Variants in ACOT11 observed in about 807,000 individuals in gnomAD.
ACOT11 encodes acyl-CoA thioesterase 11, also known as acyl-coenzyme A thioesterase 11.
Under a neutral mutation model 77.5 loss-of-function variants are expected in ACOT11, and 69 were observed. The ratio of observed to expected loss-of-function variants is 0.89; its 90% CI spans 0.73 to 1.09. ACOT11 has a LOEUF of 1.09. ACOT11 is among the 50% of genes least tolerant of loss of function. The pLI is 0.00. For missense variants in ACOT11, 766 were observed against 813.7 expected (o/e 0.94, Z 0.71); for synonymous variants, 279 against 313.0 (o/e 0.89, Z 1.15).
At position 54,610,245 on chromosome 1, in the gene ACOT11, T is replaced by C; in HGVS notation, c.*1133T>C. On this transcript the variant is annotated 3_prime_UTR_variant, in exon 16 of 16. Coordinates refer to ENST00000343744, the MANE Select transcript of ACOT11 (RefSeq NM_147161.4). The stretch of plus-strand genomic sequence containing the variant: ...GGCCAGGAGCCCTGTGCTCTTGACA[T>C]CACTGTACTCCCTCTCCCTCCCCGC... 2.1e-6 allele frequency: 3 copies of C among 1,451,648 alleles called. No individual in the cohort carries two copies. The highest frequency in any genetic ancestry group is 2.7e-6 in the Non-Finnish European group (3 of 1,108,482). The allele number at this position is 1,451,648 out of a possible 1,614,324, so 89.9% of individuals were successfully genotyped here. A position where few individuals can be genotyped will look rare whatever the true frequency, so the allele number is the denominator to read the frequency against.
intron 16 of ACOT11, among the ~76,000 whole-genome samples, chr1:54,634,142 C>T (rs1026142372): frequency 6.6e-6 from 1 of 152,182 alleles, no homozygotes; most frequent in South Asian, 2.1e-4. Flanking sequence ...GGCACAAATA[C>T]AGCAAGCTTT....
chr1:54,618,632 A>T (rs1644198764), intron 15 of ACOT11, among the ~76,000 whole-genome samples: 1 of 152,096 alleles, frequency 6.6e-6, no homozygotes, highest in South Asian at 2.1e-4. Flanking sequence ...AGAGGAAAGG[A>T]TTTGTTTCCT....
intron 1 of ACOT11, among the ~76,000 whole-genome samples, chr1:54,562,135 A>C (rs1400317558): frequency 2.0e-5 from 1 of 49,590 alleles, no homozygotes; most frequent in Non-Finnish European, 3.4e-5. Context: ...CTGGCCGGGC[A>C]GAGGGGCTCC....
intron 6 of ACOT11, among the ~76,000 whole-genome samples, chr1:54,596,767 G>A (rs964418223): frequency 6.6e-6 from 1 of 152,154 alleles, no homozygotes; most frequent in Non-Finnish European, 1.5e-5. Context: ...TAGAGACAAA[G>A]TTTCACCATG....
At chr1:54,587,286 G>A (rs1180159685) in intron 3 of ACOT11, among the ~76,000 whole-genome samples, 1 of 152,040 alleles carries the variant, frequency 6.6e-6, no homozygotes, top group Non-Finnish European at 1.5e-5. Flanking sequence ...GGGCCTACGC[G>A]GGTGGATCAC....
rs532834434 is a variant in ACOT11, at chr1:54,609,689, T to C, written c.*577T>C. 71 of 1,614,066 alleles carry C rather than the reference T, an allele frequency of 4.4e-5. 1 individual carries two copies. The South Asian group carries it at 7.5e-4, about 17-fold the overall frequency. ...GACCGAAAAACTCCCGTGGGAGATT[T>C]TGGCCCCAACCCACACAGGCCAATG... On this transcript the variant is annotated 3_prime_UTR_variant, in exon 16 of 16. Coordinates refer to ENST00000343744, the MANE Select transcript of ACOT11 (RefSeq NM_147161.4).
At chr1:54,605,876 A>G (rs1644018744) in intron 13 of ACOT11, among the ~76,000 whole-genome samples, 1 of 152,160 alleles carries the variant, frequency 6.6e-6, no homozygotes, top group African/African-American at 2.4e-5. Context: ...AAGTCCCCTT[A>G]AAGTCATTTT....
intron 8 of ACOT11, 149 bp downstream of exon 8, chr1:54,599,564 T>A: frequency 1.0e-6 from 1 of 962,446 alleles, no homozygotes; most frequent in Non-Finnish European, 1.4e-6. Flanking sequence ...TCCTCTGAAA[T>A]TCAGCTCTGA....
intron 3 of ACOT11, among the ~76,000 whole-genome samples, chr1:54,586,890 C>T (rs1430951243): frequency 6.6e-6 from 1 of 152,198 alleles, no homozygotes; most frequent in Admixed American, 6.5e-5. Flanking sequence ...TGCAGGGCCA[C>T]ACACAGAGCT....
At chr1:54,619,914 G>GTGACC in intron 15 of ACOT11, 1 of 1,614,172 alleles carries the variant, frequency 6.2e-7, no homozygotes, top group Non-Finnish European at 8.5e-7. Flanking sequence ...GTGGTACCAG[G>GTGACC]TGACCTCCAA....
chr1:54,614,701 G>A (rs926066553), downstream of ACOT11: 21 of 1,611,856 alleles, frequency 1.3e-5, no homozygotes, highest in South Asian at 2.2e-5. Flanking sequence ...AACACTCACT[G>A]TGTGGCATTG....
chr1:54,594,618 T>A lies in ACOT11; in HGVS notation c.534T>A (p.Ala178=). The change falls in exon 6 of 16, where the codon GCT becomes GCA. Residue 178 remains alanine, a synonymous_variant. Transcript: ENST00000343744. ...EEEKMEHSVA[A]ERRRMRLVYA... ...AGAAGATGGAGCACAGTGTGGCGGCTGAGCGCCGGCGCATGCGCCTTGTCT... is the reference window on the plus strand; with the variant it reads ...AGAAGATGGAGCACAGTGTGGCGGCAGAGCGCCGGCGCATGCGCCTTGTCT... 1.2e-6 allele frequency: 2 copies of A among 1,614,098 alleles called. No homozygotes were observed. Among genetic ancestry groups the A allele is most frequent in the Non-Finnish European group, 1.7e-6 (2 of 1,180,002 alleles).
At chr1:54,634,542 A>C in intron 16 of ACOT11, 1 of 544,652 alleles carries the variant, frequency 1.8e-6, no homozygotes, top group East Asian at 3.0e-5. Context: ...TGATGATAAA[A>C]ACAAAAAAGG....
intron 1 of ACOT11, among the ~76,000 whole-genome samples, chr1:54,580,489 C>T (rs74479466): frequency 6.6e-6 from 1 of 152,338 alleles, no homozygotes; most frequent in Non-Finnish European, 1.5e-5. Flanking sequence ...TCTCATTTGC[C>T]CCAGTGTTCA....
Position 54,567,436 on chromosome 1 carries a change from A to G in ACOT11, c.34-17219A>G, listed in dbSNP as rs562173943. 2.4e-4 allele frequency among the ~76,000 whole-genome samples: 36 copies of G among 150,992 alleles called. No individual in the cohort carries two copies. In the East Asian group the frequency reaches 5.3e-3, roughly 22 times the overall value. On this transcript the variant is annotated intron_variant, in intron 1 of 15. Coordinates refer to ENST00000343744, the MANE Select transcript of ACOT11 (RefSeq NM_147161.4). ...TGGGATTATAGGCACCTACCACCAC[A>G]CCCAGCTAATTTTTGTATTTTTAGT...
downstream of ACOT11, chr1:54,610,978 G>T (rs138233165): frequency 1.0e-6 from 1 of 985,410 alleles, no homozygotes; most frequent in Non-Finnish European, 1.2e-6. Context: ...AAACATTAGA[G>T]TAACCAGCAG....
chr1:54,548,392 C>T (rs1042637919), intron 1 of ACOT11, 50 bp downstream of exon 1: 12 of 1,569,684 alleles, frequency 7.6e-6, no homozygotes, highest in African/African-American at 1.3e-5. Flanking sequence ...GCTGGGCACC[C>T]AGAAAGAGAT....
rs756914548 is a variant in ACOT11 at position 54,607,136 on chromosome 1, G to A, written c.1373G>A (p.Ser458Asn). Residue 458 changes from serine (S) to asparagine (N), a missense_variant and splice_region_variant, in exon 14 of 16, where the codon AGC becomes AAC. By Grantham distance (46) the Ser-to-Asn change is conservative. Transcript: ENST00000343744. The surrounding 1 kb of genome is among the most constrained non-coding windows in gnomAD (Gnocchi z 4.5). ...QRPEWDKHYR[S>N]VELVQQVDED... ...CTGAGATCCCGGCCTCCCCACAGGA[G>A]CGTGGAGCTAGTGCAGCAGGTAGAC... The A allele has an allele frequency of 2.5e-6, 4 of 1,613,992 alleles. No homozygotes were observed. In the East Asian group the frequency reaches 6.7e-5, roughly 27 times the overall value.
intron 1 of ACOT11, among the ~76,000 whole-genome samples, chr1:54,550,904 C>T (rs1653037633): frequency 6.6e-6 from 1 of 151,860 alleles, no homozygotes; most frequent in Non-Finnish European, 1.5e-5. Context: ...CTTTGGGAGG[C>T]CGAGACGGGT....
Sources: allele counts gnomAD v4.1 joint callset (sites outside exome capture counted in the v4.1 genomes callset), GRCh38; gene constraint gnomAD v4.1.1; non-coding constraint Gnocchi (gnomAD v3.1); transcripts MANE v1.5; gene names NCBI Gene and HGNC (gene_info 2026-07-23, HGNC 2026-07-21).